Variants in NFASC observed in about 807,000 individuals in gnomAD.
NFASC encodes neurofascin homolog.
NFASC carries 43 observed loss-of-function variants against 147.5 expected under a neutral mutation model. The ratio of observed to expected loss-of-function variants is 0.29; its 90% CI spans 0.23 to 0.38. The LOEUF (loss-of-function observed/expected upper bound fraction) is 0.38, where lower values mean the gene tolerates loss of function less well. NFASC is among the 10% of genes least tolerant of loss of function. The pLI is 1.00. For synonymous variants in NFASC, 622 were observed against 665.5 expected, an observed-to-expected ratio of 0.93 and a Z score of 1.01; for missense variants, 1,320 against 1,689.0, an observed-to-expected ratio of 0.78 and a Z score of 3.83.
At position 204,954,714 on chromosome 1, in the gene NFASC, CCTT is replaced by C. The variant is rs2094341790; in HGVS notation, c.413-112_413-110del. 2.4e-6 allele frequency: 3 copies of C among 1,274,794 alleles called. No individual in the cohort carries two copies. The highest frequency in any genetic ancestry group is 1.9e-4 in the Middle Eastern group (1 of 5,196). 79.0% of individuals were successfully genotyped at this position (1,274,794 alleles called of 1,614,324 possible). A position where few individuals can be genotyped will look rare whatever the true frequency, so the allele number is the denominator to read the frequency against. ...GCCCCGTCCCTCTCTCTTGCTCCCT[CCTT>C]CTCCAGGTGCCCCTTCTGTTTCTCC... On this transcript the variant is annotated intron_variant, in intron 6 of 29. Coordinates refer to ENST00000339876, the MANE Select transcript of NFASC (RefSeq NM_001005388.3). This position sits in a 1 kb window ranked among gnomAD's most constrained non-coding sequence, Gnocchi z 5.7.
rs767657468 is a variant in NFASC, at chr1:204,981,915, G to C, written c.2365G>C (p.Gly789Arg). The C allele has an allele frequency of 1.2e-6, 2 of 1,609,532 alleles. No homozygotes were observed. Among genetic ancestry groups the C allele is most frequent in the African/African-American group, 2.7e-5 (2 of 74,744 alleles). Reference protein sequence around the residue: ...VTVWGSRYVVGQTPVYVPYEI... With the variant: ...VTVWGSRYVVRQTPVYVPYEI... ...AGTGTGGGGCTCTCGCTACGTGGTGGGGCAGACCCCAGTCTACGTGCCCTA... is the reference window on the plus strand; with the variant it reads ...AGTGTGGGGCTCTCGCTACGTGGTGCGGCAGACCCCAGTCTACGTGCCCTA... The change falls in exon 21 of 30, where the codon GGG becomes CGG. Residue 789 changes from glycine (G) to arginine (R), a missense_variant. Physicochemically the swap from Gly to Arg is moderately radical, Grantham distance 125. Around this residue, in one of 3 missense-constraint regions of NFASC, gnomAD observed 981 missense variants for 1,289.5 expected, o/e 0.76. Transcript: ENST00000339876.
rs543801589 is a variant in NFASC at position 204,979,050 on chromosome 1, T to C, written c.1959T>C (p.Ala653=). 3.2e-6 allele frequency: 5 copies of C among 1,562,142 alleles called. No individual in the cohort carries two copies. In the South Asian group the frequency reaches 5.9e-5, roughly 18 times the overall value. Residue 653 remains alanine, a synonymous_variant, in exon 18 of 30, where the codon GCT becomes GCC. Transcript: ENST00000339876. The surrounding 1 kb of genome is among the most constrained non-coding windows in gnomAD (Gnocchi z 6.0). ...SVRLTWIPGD[A]NNSPITDYVV... ...GGCTGACCTGGATCCCCGGGGATGC[T>C]AACAACAGCCCCATCACAGGTAGCT...
At chr1:204,909,662 T>G (rs1306997654) in intron 1 of NFASC, among the ~76,000 whole-genome samples, 1 of 152,210 alleles carries the variant, frequency 6.6e-6, no homozygotes, top group Non-Finnish European at 1.5e-5. Flanking sequence ...TTGCAACAAT[T>G]TTCTCCTATT....
Position 204,876,837 on chromosome 1 carries a change from G to A in NFASC, c.-199-43795G>A, listed in dbSNP as rs1228775927. Among the ~76,000 whole-genome samples, 3 of 151,292 alleles carry A rather than the reference G, an allele frequency of 2.0e-5. No homozygotes were observed. The Admixed American group carries it at 2.0e-4, about 10-fold the overall frequency. ...TGTATGTGTTGTCAACTGAAGAATCGTGGGACTCATAAATGTGGAGAGGAG... is the reference window on the plus strand; with the variant it reads ...TGTATGTGTTGTCAACTGAAGAATCATGGGACTCATAAATGTGGAGAGGAG... On this transcript the variant is annotated intron_variant, in intron 1 of 29. Transcript: ENST00000339876.
intron 21 of NFASC, among the ~76,000 whole-genome samples, chr1:204,983,743 G>T (rs2095552666): frequency 1.3e-5 from 2 of 152,200 alleles, no homozygotes; most frequent in Non-Finnish European, 2.9e-5. Flanking sequence ...AGGAAGGGTG[G>T]AGGACAAAAC....
In NFASC at chr1:204,860,624, T is replaced by A. The variant is rs149490046; in HGVS notation, c.-200+31842T>A. Among the ~76,000 whole-genome samples, 29 of 152,370 alleles carry A rather than the reference T, an allele frequency of 1.9e-4. 2 individuals carry two copies. Among genetic ancestry groups the A allele is most frequent in the African/African-American group, 5.5e-4 (23 of 41,588 alleles). ...GGTTAAAATTTACCGTTTTAAAGTA[T>A]GCAATTCAGTGGCATTTAGTACATT... On this transcript the variant is annotated intron_variant, in intron 1 of 29. Coordinates refer to ENST00000339876, the MANE Select transcript of NFASC (RefSeq NM_001005388.3).
chr1:204,977,654 C>G lies in NFASC; in HGVS notation c.1832-27C>G, dbSNP rs377231868. 9 of 1,605,128 alleles carry G rather than the reference C, an allele frequency of 5.6e-6. No homozygotes were observed. The African/African-American group carries it at 1.2e-4, about 21-fold the overall frequency. ...CCTTTAATGCTGGATAACCTGCTAA[C>G]CTGGATAACCCGTCTTACCTTTGCA... On this transcript the variant is annotated intron_variant, in intron 16 of 29. Coordinates refer to ENST00000339876, the MANE Select transcript of NFASC (RefSeq NM_001005388.3).
At chr1:204,970,555 G>T (rs1443159818) in intron 10 of NFASC, 61 bp from the exon 11 acceptor site, 2 of 1,600,598 alleles carry the variant, frequency 1.2e-6, no homozygotes, top group Non-Finnish European at 1.7e-6. Flanking sequence ...GAGACTGCTT[G>T]GTTTCTTCTG....
chr1:204,923,693 T>C (rs562716703), intron 2 of NFASC, among the ~76,000 whole-genome samples: 7 of 152,238 alleles, frequency 4.6e-5, no homozygotes, highest in Admixed American at 4.6e-4. Flanking sequence ...CCCCACCTGC[T>C]GCCCCCAAAC....
intron 1 of NFASC, among the ~76,000 whole-genome samples, chr1:204,875,658 C>T (rs1481659075): frequency 6.8e-6 from 1 of 147,888 alleles, no homozygotes; most frequent in African/African-American, 2.4e-5. Flanking sequence ...CTGAGTGCTC[C>T]CCTGCCCTTT....
At chr1:204,893,219 G>T (rs866915621) in intron 1 of NFASC, among the ~76,000 whole-genome samples, 6 of 152,210 alleles carry the variant, frequency 3.9e-5, no homozygotes, top group Admixed American at 6.5e-5. Flanking sequence ...AGGAAGAGAA[G>T]ATTTGGTAGG....
At chr1:204,882,432 C>A (rs933851477) in intron 1 of NFASC, among the ~76,000 whole-genome samples, 3 of 152,166 alleles carry the variant, frequency 2.0e-5, no homozygotes, top group Non-Finnish European at 4.4e-5. Context: ...GCTATTCCCC[C>A]CCTCACCTCC....
At chr1:204,917,630 T>C (rs1315106347) in intron 1 of NFASC, among the ~76,000 whole-genome samples, 1 of 152,216 alleles carries the variant, frequency 6.6e-6, no homozygotes, top group Non-Finnish European at 1.5e-5. Context: ...TTTCTCCCTG[T>C]TGCAGTTATT....
Position 205,016,909 on chromosome 1 carries a change from C to T in NFASC, c.*370C>T. ...GGGACTTCTCATTGTCTTAATTTCG[C>T]TTTGTGCATCTTCCCCTCCAGACCC... On this transcript the variant is annotated 3_prime_UTR_variant, in exon 30 of 30. Coordinates refer to ENST00000339876, the MANE Select transcript of NFASC (RefSeq NM_001005388.3). The surrounding 1 kb of genome is among the most constrained non-coding windows in gnomAD (Gnocchi z 5.1). 2.8e-6 allele frequency: 1 copy of T among 352,178 alleles called. No homozygotes were observed. The allele number at this position is 352,178 out of a possible 1,614,324, so 21.8% of individuals were successfully genotyped here. A position where few individuals can be genotyped will look rare whatever the true frequency, so the allele number is the denominator to read the frequency against.
intron 2 of NFASC, among the ~76,000 whole-genome samples, chr1:204,943,063 G>A (rs1000046872): frequency 3.9e-5 from 6 of 152,110 alleles, no homozygotes; most frequent in Admixed American, 3.9e-4. Flanking sequence ...TTGAGAGTGG[G>A]CTTCAATTTG....
intron 1 of NFASC, among the ~76,000 whole-genome samples, chr1:204,871,819 G>A (rs1327819237): frequency 1.3e-5 from 2 of 152,198 alleles, no homozygotes; most frequent in South Asian, 4.1e-4. Context: ...TCTGGCTGAT[G>A]ATGTTCACTT....
chr1:205,009,161 C>T (rs1251178505), intron 27 of NFASC: 2 of 283,422 alleles, frequency 7.1e-6, no homozygotes, highest in Non-Finnish European at 1.4e-5. Flanking sequence ...CCCATTTCTC[C>T]ACCCTGGACT....
At chr1:204,973,240 C>T (rs1239363875) in intron 11 of NFASC, 36 bp from the exon 12 acceptor site, 1 of 1,611,968 alleles carries the variant, frequency 6.2e-7, no homozygotes, top group Non-Finnish European at 8.5e-7. Context: ...CTGCCCTCCC[C>T]ATCTCTCATG....
Position 205,015,320 on chromosome 1 carries a change from C to G in NFASC, c.3492-988C>G, listed in dbSNP as rs1488941814. ...CTCCCACTGCTCAGACCCAGACTCC[C>G]ACTGCTCATCCTGAGCTGCCTCCTG... On this transcript the variant is annotated intron_variant, in intron 29 of 29. Transcript: ENST00000339876. This position sits in a 1 kb window ranked among gnomAD's most constrained non-coding sequence, Gnocchi z 4.0. Among the ~76,000 whole-genome samples the G allele has an allele frequency of 6.6e-6, 1 of 152,122 alleles. No individual in the cohort carries two copies. Among genetic ancestry groups the G allele is most frequent in the East Asian group, 1.9e-4 (1 of 5,176 alleles).
Sources: allele counts gnomAD v4.1 joint callset (sites outside exome capture counted in the v4.1 genomes callset), GRCh38; gene constraint gnomAD v4.1.1; regional missense constraint gnomAD v4.1.1; non-coding constraint Gnocchi (gnomAD v3.1); transcripts MANE v1.5; gene names NCBI Gene and HGNC (gene_info 2026-07-23, HGNC 2026-07-21).